Variants in DYM observed in about 807,000 individuals in gnomAD.
DYM encodes dymeclin.
A neutral mutation model predicts 93.1 loss-of-function variants in DYM; 78 were observed. The observed-to-expected ratio is 0.84, with a 90% CI of 0.70 to 1.01. The LOEUF (loss-of-function observed/expected upper bound fraction) is 1.01. DYM is among the 50% of genes least tolerant of loss of function. DYM has a pLI of 0.00. For synonymous variants in DYM, 321 were observed against 319.7 expected (o/e 1.00, Z -0.04); for missense variants, 789 against 845.0 (o/e 0.93, Z 0.82).
chr18:49,459,468 T>A (rs1241210550), intron 1 of DYM, among the ~76,000 whole-genome samples: 1 of 152,090 alleles, frequency 6.6e-6, no homozygotes, highest in African/African-American at 2.4e-5. Flanking sequence ...CTCGTTCTTC[T>A]CTTGAGCCCT....
intron 13 of DYM, among the ~76,000 whole-genome samples, chr18:49,231,287 T>G (rs2093686631): frequency 6.6e-6 from 1 of 152,180 alleles, no homozygotes; most frequent in Non-Finnish European, 1.5e-5. Context: ...GGGGAGCTGC[T>G]CTGGGAGGAG....
At chr18:49,113,774 A>G (rs1225690963) in intron 16 of DYM, among the ~76,000 whole-genome samples, 1 of 152,238 alleles carries the variant, frequency 6.6e-6, no homozygotes, top group Admixed American at 6.5e-5. Context: ...GATGTTATTT[A>G]TATCTTTATC....
chr18:49,391,777 A>AG, intron 2 of DYM, 132 bp from the exon 3 acceptor site: 1 of 679,488 alleles, frequency 1.5e-6, no homozygotes, highest in Non-Finnish European at 2.4e-6. Flanking sequence ...AGTGAACAAT[A>AG]AGATCAGCAA....
chr18:49,386,223 T>C (rs961037100), intron 3 of DYM, among the ~76,000 whole-genome samples: 8 of 151,598 alleles, frequency 5.3e-5, no homozygotes, highest in South Asian at 2.1e-4. Flanking sequence ...CTGAAAAAAA[T>C]AGAGACCAGA....
intron 1 of DYM, among the ~76,000 whole-genome samples, chr18:49,450,272 G>C (rs749912564): frequency 6.6e-6 from 1 of 152,186 alleles, no homozygotes. Context: ...GGGTTGTAAA[G>C]GGTTTGTAAA....
At chr18:49,386,096 G>C (rs939454769) in intron 3 of DYM, among the ~76,000 whole-genome samples, 3 of 152,048 alleles carry the variant, frequency 2.0e-5, no homozygotes, top group Non-Finnish European at 4.4e-5. Flanking sequence ...ACAGGTGTGA[G>C]TCACCATGCC....
At chr18:49,180,123 C>T (rs908390865) in intron 14 of DYM, among the ~76,000 whole-genome samples, 1 of 151,908 alleles carries the variant, frequency 6.6e-6, no homozygotes, top group Non-Finnish European at 1.5e-5. Flanking sequence ...ACAAACAGTC[C>T]CAGATTAAAG....
chr18:49,455,095 TAC>T (rs2082870022), intron 1 of DYM, among the ~76,000 whole-genome samples: 1 of 152,160 alleles, frequency 6.6e-6, no homozygotes, highest in Non-Finnish European at 1.5e-5. Flanking sequence ...CTTGACGCTT[TAC>T]AGAGAGACTC....
At chr18:49,441,572 T>C (rs1009120049) in intron 1 of DYM, among the ~76,000 whole-genome samples, 2 of 150,418 alleles carry the variant, frequency 1.3e-5, no homozygotes, top group African/African-American at 2.5e-5. Context: ...TTAAGTACAG[T>C]TGGGTATTCC....
intron 17 of DYM, among the ~76,000 whole-genome samples, chr18:49,063,377 A>T (rs2076140111): frequency 6.7e-6 from 1 of 150,222 alleles, no homozygotes; most frequent in Non-Finnish European, 1.5e-5. Context: ...GAAATAAGTT[A>T]TATTTTGTAA....
intron 13 of DYM, among the ~76,000 whole-genome samples, chr18:49,216,621 G>A (rs764286823): frequency 8.5e-5 from 13 of 152,168 alleles, no homozygotes; most frequent in South Asian, 2.1e-4. Flanking sequence ...TGAAGCTACC[G>A]CTGCTGATAC....
chr18:49,339,013 A>G (rs2063875075), intron 6 of DYM, among the ~76,000 whole-genome samples: 1 of 152,178 alleles, frequency 6.6e-6, no homozygotes, highest in Admixed American at 6.5e-5. Context: ...ATTACAAATA[A>G]CTCCTGCCAA....
chr18:49,201,814 G>C (rs1450882030), intron 14 of DYM, among the ~76,000 whole-genome samples: 1 of 152,156 alleles, frequency 6.6e-6, no homozygotes, highest in Non-Finnish European at 1.5e-5. Flanking sequence ...AGATTCTCCT[G>C]TCAGAAGAGA....
intron 2 of DYM, among the ~76,000 whole-genome samples, chr18:49,416,991 T>C (rs1263321659): frequency 6.6e-6 from 1 of 152,226 alleles, no homozygotes; most frequent in African/African-American, 2.4e-5. Flanking sequence ...CATCATGAAC[T>C]ATGTTGGGAA....
intron 14 of DYM, among the ~76,000 whole-genome samples, chr18:49,189,017 T>G (rs780784862): frequency 1.3e-5 from 2 of 152,132 alleles, no homozygotes; most frequent in Non-Finnish European, 2.9e-5. Context: ...AACAAAATCA[T>G]GTATTTTGCA....
intron 14 of DYM, among the ~76,000 whole-genome samples, chr18:49,187,776 C>T (rs1361465367): frequency 6.6e-6 from 1 of 152,116 alleles, no homozygotes; most frequent in Non-Finnish European, 1.5e-5. Flanking sequence ...GAAAAATTCA[C>T]TTTTCTAAAT....
At chr18:49,078,716 A>C (rs1348117544) in intron 17 of DYM, among the ~76,000 whole-genome samples, 3 of 152,210 alleles carry the variant, frequency 2.0e-5, no homozygotes, top group African/African-American at 7.2e-5. Context: ...AAGAGAAAGA[A>C]GGGAGGAAAG....
Position 49,316,085 on chromosome 18 carries a change from C to T in DYM, c.763+15779G>A, listed in dbSNP as rs1006676431. Among the ~76,000 whole-genome samples the T allele has an allele frequency of 5.9e-5, 9 of 152,142 alleles. No homozygotes were observed. In the East Asian group the frequency reaches 1.3e-3, roughly 23 times the overall value. ...TTGCTTGAGGTCAGGAGTTCAAGAC[C>T]AGCCTGGCCAACACAGTGAAATCCC... On this transcript the variant is annotated intron_variant, in intron 8 of 17. Transcript: ENST00000675505.
chr18:49,269,943 C>T (rs2094648262), intron 11 of DYM, among the ~76,000 whole-genome samples: 1 of 152,072 alleles, frequency 6.6e-6, no homozygotes, highest in South Asian at 2.1e-4. Flanking sequence ...TTCATGGTAC[C>T]CTATACAGGT....
Sources: allele counts gnomAD v4.1 joint callset (sites outside exome capture counted in the v4.1 genomes callset), GRCh38; gene constraint gnomAD v4.1.1; transcripts MANE v1.5; gene names NCBI Gene and HGNC (gene_info 2026-07-23, HGNC 2026-07-21).